Variants in METTL14 observed in about 807,000 individuals in gnomAD.
The protein encoded by METTL14 is N(6)-adenosine-methyltransferase non-catalytic subunit METTL14.
METTL14 carries 32 observed loss-of-function variants against 62.4 expected under a neutral mutation model. That is an observed-to-expected ratio of 0.51 (90% confidence interval 0.39 to 0.69). METTL14 has a LOEUF of 0.69. Among genes scored for constraint, METTL14 ranks in the 30% least tolerant of loss-of-function variants. METTL14 has a pLI of 0.00. For synonymous variants in METTL14, 150 were observed against 180.0 expected (o/e 0.83, Z 1.34); for missense variants, 340 against 551.9 (o/e 0.62, Z 3.85).
intron 7 of METTL14, 55 bp from the exon 8 acceptor site, chr4:118,700,495 T>C (rs933507264): frequency 1.4e-6 from 2 of 1,382,452 alleles, no homozygotes; most frequent in African/African-American, 2.8e-5. Flanking sequence ...CTTTTGGATT[T>C]AGGATGAATG....
intron 2 of METTL14, among the ~76,000 whole-genome samples, chr4:118,688,837 CTAATTTTTGTA>C (rs1264755357): frequency 6.8e-6 from 1 of 146,884 alleles, no homozygotes; most frequent in East Asian, 1.9e-4. Context: ...CCACCCCCAG[CTAATTTTTGTA>C]TTTTTAGTAA....
In METTL14 at chr4:118,685,605, G is replaced by A; in HGVS notation, c.66+5G>A. On this transcript the variant is annotated splice_donor_5th_base_variant and intron_variant, in intron 1 of 10. Transcript: ENST00000388822. ...CGACAGCTCCTCGCGCAGCAGGTCC[G>A]CGGCCCTGGTGTCCCCTGTGGGAGG... The A allele has an allele frequency of 6.2e-7, 1 of 1,613,662 alleles. No individual in the cohort carries two copies. Among genetic ancestry groups the A allele is most frequent in the Non-Finnish European group, 8.5e-7 (1 of 1,179,772 alleles).
At chr4:118,709,217 T>G (rs987801377) in intron 10 of METTL14, among the ~76,000 whole-genome samples, 10 of 152,228 alleles carry the variant, frequency 6.6e-5, no homozygotes, top group Non-Finnish European at 1.5e-4. Flanking sequence ...ATTGTTTTCC[T>G]TAGAGGTTCA....
chr4:118,691,277 GATAA>G (rs1344687957), intron 3 of METTL14, among the ~76,000 whole-genome samples: 3 of 152,060 alleles, frequency 2.0e-5, no homozygotes, highest in Non-Finnish European at 4.4e-5. Flanking sequence ...TTGTATATGA[GATAA>G]ATAGTTTTAG....
chr4:118,704,140 G>T, intron 9 of METTL14, 89 bp downstream of exon 9: 3 of 729,702 alleles, frequency 4.1e-6, no homozygotes, highest in Non-Finnish European at 6.8e-6. Context: ...ATTAACTTCA[G>T]TGAAAAGGTC....
intron 8 of METTL14, 54 bp downstream of exon 8, chr4:118,700,696 A>G: frequency 3.1e-6 from 4 of 1,297,062 alleles, no homozygotes; most frequent in Non-Finnish European, 2.2e-6. Flanking sequence ...AAAAAATGTA[A>G]CAGTATGTTG....
intron 7 of METTL14, among the ~76,000 whole-genome samples, chr4:118,698,196 T>C (rs1724475815): frequency 6.6e-6 from 1 of 152,116 alleles, no homozygotes; most frequent in Non-Finnish European, 1.5e-5. Flanking sequence ...GTCTCATGCC[T>C]GTAATCCCAG....
Position 118,711,681 on chromosome 4 carries a change from G to A in METTL14, c.*1379G>A, listed in dbSNP as rs984571223. 13 of 152,154 alleles carry A rather than the reference G, an allele frequency of 8.5e-5. No individual in the cohort carries two copies. The highest frequency in any genetic ancestry group is 1.5e-4 in the Non-Finnish European group (10 of 67,986). The allele number at this position is 152,154 out of a possible 1,614,324, so 9.4% of individuals were successfully genotyped here. A position where few individuals can be genotyped will look rare whatever the true frequency, so the allele number is the denominator to read the frequency against. ...CTTAAAAGCCTAATTAATTTAACTC[G>A]CTTAACCCATTAGTACTATCTAGTA... On this transcript the variant is annotated 3_prime_UTR_variant, in exon 11 of 11. Coordinates refer to ENST00000388822, the MANE Select transcript of METTL14 (RefSeq NM_020961.4).
intron 3 of METTL14, among the ~76,000 whole-genome samples, chr4:118,690,718 T>C (rs1055466470): frequency 3.9e-5 from 6 of 152,038 alleles, no homozygotes; most frequent in Admixed American, 1.3e-4. Flanking sequence ...GGTAATTGAT[T>C]GGATCAGATT....
chr4:118,706,013 C>G (rs996861927), intron 10 of METTL14, among the ~76,000 whole-genome samples, 192 bp downstream of exon 10: 1 of 152,118 alleles, frequency 6.6e-6, no homozygotes, highest in African/African-American at 2.4e-5. Context: ...TACCTGCTGC[C>G]CCCACACATG....
chr4:118,685,899 T>A (rs1323050836), intron 1 of METTL14, among the ~76,000 whole-genome samples: 7 of 152,200 alleles, frequency 4.6e-5, no homozygotes, highest in Admixed American at 4.6e-4. Flanking sequence ...ATGAGTGTCA[T>A]GTTATCCCCT....
At chr4:118,699,470 G>C (rs992794053) in intron 7 of METTL14, among the ~76,000 whole-genome samples, 2 of 152,052 alleles carry the variant, frequency 1.3e-5, no homozygotes, top group African/African-American at 4.8e-5. Flanking sequence ...TTCCAGATAG[G>C]TATAAATTTA....
intron 10 of METTL14, among the ~76,000 whole-genome samples, chr4:118,709,289 T>G (rs1724851902): frequency 6.6e-6 from 1 of 152,206 alleles, no homozygotes; most frequent in African/African-American, 2.4e-5. Context: ...TAAAAGATCT[T>G]AGATTTTATA....
rs182020885 is a variant in METTL14 at position 118,690,471 on chromosome 4, G to A, written c.243+1014G>A. 2.3e-3 allele frequency among the ~76,000 whole-genome samples: 354 copies of A among 152,132 alleles called. 1 individual carries two copies. Among genetic ancestry groups the A allele is most frequent in the Non-Finnish European group, 3.5e-3 (241 of 67,984 alleles). On this transcript the variant is annotated intron_variant, in intron 3 of 10. Coordinates refer to ENST00000388822, the MANE Select transcript of METTL14 (RefSeq NM_020961.4). ...AGATGTGCAGATCACTTGAGGTCAG[G>A]AGTTTAAGACCCTCCTGGCTAACAT... is the stretch of plus-strand genomic sequence containing the variant.
intron 8 of METTL14, among the ~76,000 whole-genome samples, chr4:118,702,920 G>C (rs1724640975): frequency 6.8e-6 from 1 of 146,568 alleles, no homozygotes; most frequent in Non-Finnish European, 1.5e-5. Context: ...GTGGTGGAAA[G>C]GAAGCTTGTT....
At chr4:118,708,452 A>G (rs978715243) in intron 10 of METTL14, among the ~76,000 whole-genome samples, 1 of 152,244 alleles carries the variant, frequency 6.6e-6, no homozygotes, top group Non-Finnish European at 1.5e-5. Flanking sequence ...TCATAGGTTT[A>G]ATAGTCAGTG....
chr4:118,702,352 A>T (rs1018109850), intron 8 of METTL14, among the ~76,000 whole-genome samples: 1 of 152,108 alleles, frequency 6.6e-6, no homozygotes, highest in Non-Finnish European at 1.5e-5. Context: ...CATGAGAAAT[A>T]CTCATGAGAT....
At chr4:118,690,157 C>T (rs1467266053) in intron 3 of METTL14, among the ~76,000 whole-genome samples, 2 of 146,080 alleles carry the variant, frequency 1.4e-5, no homozygotes, top group African/African-American at 2.5e-5. Context: ...TCTTCTGTCT[C>T]GGCCTCCCAA....
intron 6 of METTL14, among the ~76,000 whole-genome samples, chr4:118,696,117 C>CAAAAAAAAAAAAAAAAAAAAAA (rs70941201): frequency 5.9e-5 from 2 of 33,910 alleles, no homozygotes; most frequent in Admixed American, 4.7e-4. Flanking sequence ...GACTCTGTCT[C>CAAAAAAAAAAAAAAAAAAAAAA]AAAAAAAAAA....
Sources: allele counts gnomAD v4.1 joint callset (sites outside exome capture counted in the v4.1 genomes callset), GRCh38; gene constraint gnomAD v4.1.1; transcripts MANE v1.5; gene names NCBI Gene and HGNC (gene_info 2026-07-23, HGNC 2026-07-21).